The following CHRM5 variants were observed in gnomAD, a reference collection of about 807,000 sequenced individuals.
CHRM5 encodes muscarinic acetylcholine receptor M5.
In CHRM5, 18 loss-of-function variants were observed where a neutral mutation model predicts 39.0. The ratio of observed to expected loss-of-function variants is 0.46; its 90% CI spans 0.32 to 0.68. The LOEUF is 0.68. Among genes scored for constraint, CHRM5 ranks in the 30% least tolerant of loss-of-function variants. The probability of loss-of-function intolerance (pLI) is 0.04; values close to 1 mark genes in which losing one functional copy is unlikely to be tolerated. For synonymous variants in CHRM5, 241 were observed against 246.3 expected (o/e 0.98, Z 0.20); for missense variants, 515 against 651.1 (o/e 0.79, Z 2.28).
At chr15:34,020,180 G>C (rs1898142258) in intron 1 of CHRM5, among the ~76,000 whole-genome samples, 1 of 152,048 alleles carries the variant, frequency 6.6e-6, no homozygotes, top group African/African-American at 2.4e-5. Flanking sequence ...GCGTGGTGGT[G>C]GGTGCCTGTA....
rs536010700 is a variant in CHRM5 at position 34,014,183 on chromosome 15, C to A, written c.-407-32357C>A. Among the ~76,000 whole-genome samples the A allele has an allele frequency of 2.5e-4, 38 of 151,950 alleles. No homozygotes were observed. The East Asian group carries it at 6.6e-3, about 26-fold the overall frequency. On this transcript the variant is annotated intron_variant, in intron 1 of 2. Coordinates refer to ENST00000383263, the MANE Select transcript of CHRM5 (RefSeq NM_012125.4). The stretch of plus-strand genomic sequence containing the variant: ...TTTGAGACCAGCCTGGCCAACATGG[C>A]AAAACCCCATCTCTACTAAAAATAT...
At chr15:34,029,251 A>G (rs767670812) in intron 1 of CHRM5, among the ~76,000 whole-genome samples, 8 of 152,196 alleles carry the variant, frequency 5.3e-5, no homozygotes, top group Non-Finnish European at 8.8e-5. Flanking sequence ...CCATATTGTA[A>G]AAATGAAAAA....
chr15:34,013,126 A>G (rs1482065943), intron 1 of CHRM5, among the ~76,000 whole-genome samples: 2 of 152,082 alleles, frequency 1.3e-5, no homozygotes, highest in African/African-American at 4.8e-5. Context: ...CAATGGCGCA[A>G]TCTTGGCTCA....
At chr15:33,983,198 GTGTATATA>G (rs796937296) in intron 1 of CHRM5, among the ~76,000 whole-genome samples, 531 of 45,266 alleles carry the variant, frequency 0.012, 9 homozygotes, top group African/African-American at 0.025. Context: ...GTGTATGTGT[GTGTATATA>G]TATATATACA....
At position 34,056,645 on chromosome 15, in the gene CHRM5, G is replaced by A. The variant is rs563232879; in HGVS notation, c.-75-5998G>A. On this transcript the variant is annotated intron_variant, in intron 2 of 2. Coordinates refer to ENST00000383263, the MANE Select transcript of CHRM5 (RefSeq NM_012125.4). ...ATGAGCAGACTCTGAGGAAGACTGT[G>A]TTAGCCTCGGCTCTCCTCAAGGTTG... Among the ~76,000 whole-genome samples, 11 of 152,322 alleles carry A rather than the reference G, an allele frequency of 7.2e-5. No homozygotes were observed. The South Asian group carries it at 8.3e-4, about 11-fold the overall frequency.
chr15:33,986,574 T>G (rs1273910946), intron 1 of CHRM5, among the ~76,000 whole-genome samples: 2 of 152,162 alleles, frequency 1.3e-5, no homozygotes, highest in Non-Finnish European at 2.9e-5. Context: ...AAACCAGCAG[T>G]AATATTATTA....
rs1426801522 is a variant in CHRM5, at chr15:34,038,851, G to C, written c.-407-7689G>C. On this transcript the variant is annotated intron_variant, in intron 1 of 2. Coordinates refer to ENST00000383263, the MANE Select transcript of CHRM5 (RefSeq NM_012125.4). Reference sequence around the variant, plus strand: ...CCTCGCGGGGCGCCTCCTCCTCCTCGGCCTCCGCGAGCGCCGCGGAAGCCC... The same window carrying C: ...CCTCGCGGGGCGCCTCCTCCTCCTCCGCCTCCGCGAGCGCCGCGGAAGCCC... The C allele has an allele frequency of 2.1e-5, 24 of 1,164,312 alleles. No individual in the cohort carries two copies. Among genetic ancestry groups the C allele is most frequent in the East Asian group, 1.3e-4 (3 of 23,968 alleles). 72.1% of individuals were successfully genotyped at this position (1,164,312 alleles called of 1,614,324 possible). A position where few individuals can be genotyped will look rare whatever the true frequency, so the allele number is the denominator to read the frequency against.
intron 1 of CHRM5, among the ~76,000 whole-genome samples, chr15:34,002,607 T>C (rs986877763): frequency 2.0e-5 from 3 of 152,132 alleles, no homozygotes; most frequent in African/African-American, 7.2e-5. Flanking sequence ...AATATGTGCA[T>C]ATCCACTACT....
chr15:34,022,064 A>C (rs1898225650), intron 1 of CHRM5, among the ~76,000 whole-genome samples: 1 of 152,238 alleles, frequency 6.6e-6, no homozygotes, highest in South Asian at 2.1e-4. Context: ...CAATAAGGAC[A>C]AGTACATGCA....
At chr15:34,041,599 G>A (rs550317326) in intron 1 of CHRM5, among the ~76,000 whole-genome samples, 1 of 152,320 alleles carries the variant, frequency 6.6e-6, no homozygotes, top group African/African-American at 2.4e-5. Context: ...ACTAGTCAGT[G>A]TAAGACTCAG....
intron 1 of CHRM5, among the ~76,000 whole-genome samples, chr15:34,044,131 A>T (rs183844610): frequency 6.6e-6 from 1 of 152,198 alleles, no homozygotes; most frequent in Non-Finnish European, 1.5e-5. Flanking sequence ...TTACACCCTA[A>T]TCCAACTTCT....
chr15:33,972,590 C>T (rs1265804367), intron 1 of CHRM5: 1 of 152,148 alleles, frequency 6.6e-6, no homozygotes, highest in African/African-American at 2.4e-5. Context: ...CTTCTGTGTT[C>T]TCTGAAAGTC....
Position 34,003,809 on chromosome 15 carries a change from A to G in CHRM5, c.-408+34659A>G, listed in dbSNP as rs183720133. ...TCTAGAATAATGAAAACCATTCCAC[A>G]TCTACATTTGTTTTAGTACTTCTTA... On this transcript the variant is annotated intron_variant, in intron 1 of 2. Transcript: ENST00000383263. 4.5e-4 allele frequency among the ~76,000 whole-genome samples: 68 copies of G among 152,352 alleles called. 1 individual carries two copies. The highest frequency in any genetic ancestry group is 1.6e-3 in the African/African-American group (66 of 41,592).
At chr15:34,008,726 G>C (rs1218684519) in intron 1 of CHRM5, among the ~76,000 whole-genome samples, 1 of 151,958 alleles carries the variant, frequency 6.6e-6, no homozygotes, top group African/African-American at 2.4e-5. Flanking sequence ...CTGACCTCGT[G>C]ATCTGCCCGC....
Position 33,968,964 on chromosome 15 carries a change from C to T in CHRM5, c.-594C>T, listed in dbSNP as rs1284008161. ...TATAATCCTATCCAAATGGAGTCTT[C>T]ATCTACCGCATACTATCCTAACTAA... On this transcript the variant is annotated 5_prime_UTR_variant, in exon 1 of 3. Coordinates refer to ENST00000383263, the MANE Select transcript of CHRM5 (RefSeq NM_012125.4). The T allele has an allele frequency of 6.6e-6, 1 of 152,044 alleles. No homozygotes were observed. Among genetic ancestry groups the T allele is most frequent in the Non-Finnish European group, 1.5e-5 (1 of 67,950 alleles). The allele number at this position is 152,044 out of a possible 1,614,324, so 9.4% of individuals were successfully genotyped here.
intron 1 of CHRM5, among the ~76,000 whole-genome samples, chr15:34,027,971 T>C (rs1387875758): frequency 6.6e-6 from 1 of 152,144 alleles, no homozygotes; most frequent in African/African-American, 2.4e-5. Flanking sequence ...AGAAAAGATC[T>C]GAGAAGGCCC....
At chr15:33,974,985 G>GA (rs1895822397) in intron 1 of CHRM5, among the ~76,000 whole-genome samples, 1 of 152,260 alleles carries the variant, frequency 6.6e-6, no homozygotes, top group African/African-American at 2.4e-5. Context: ...AGGAAAAAAA[G>GA]AACAACAGAT....
rs143550200 is a variant in CHRM5, at chr15:34,000,119, C to G, written c.-408+30969C>G. Among the ~76,000 whole-genome samples, 12 of 152,328 alleles carry G rather than the reference C, an allele frequency of 7.9e-5. No homozygotes were observed. The East Asian group carries it at 1.9e-3, about 24-fold the overall frequency. On this transcript the variant is annotated intron_variant, in intron 1 of 2. Coordinates refer to ENST00000383263, the MANE Select transcript of CHRM5 (RefSeq NM_012125.4). ...ATATCCTCACTTGCTCCCTCACCCT[C>G]CTCAGATCTTTGCTCAAATGTTATA... is the stretch of plus-strand genomic sequence containing the variant.
intron 1 of CHRM5, among the ~76,000 whole-genome samples, chr15:34,037,855 AAG>A (rs972561653): frequency 6.6e-6 from 1 of 152,196 alleles, no homozygotes; most frequent in African/African-American, 2.4e-5. Context: ...ATACTTCAGT[AAG>A]AGCAAATTTT....
Sources: allele counts gnomAD v4.1 joint callset (sites outside exome capture counted in the v4.1 genomes callset), GRCh38; gene constraint gnomAD v4.1.1; transcripts MANE v1.5; gene names NCBI Gene and HGNC (gene_info 2026-07-23, HGNC 2026-07-21).